The following STARD13 variants were observed in gnomAD, a reference collection of about 807,000 sequenced individuals.
STARD13 encodes the protein stAR-related lipid transfer protein 13.
A neutral mutation model predicts 106.4 loss-of-function variants in STARD13; 62 were observed. That is an observed-to-expected ratio of 0.58 (90% confidence interval 0.48 to 0.72). The LOEUF (loss-of-function observed/expected upper bound fraction) is 0.72. STARD13 is among the 30% of genes least tolerant of loss of function. The pLI is 0.00. For synonymous variants in STARD13, 565 were observed against 553.0 expected (o/e 1.02, Z -0.31); for missense variants, 1,387 against 1,424.0 (o/e 0.97, Z 0.42).
chr13:33,523,923 A>G, the STARD13 span, among the ~76,000 whole-genome samples: 1 of 152,124 alleles, frequency 6.6e-6, no homozygotes, highest in African/African-American at 2.4e-5. Context: ...TTGCAGCATA[A>G]GTTTTTACTA....
the STARD13 span, among the ~76,000 whole-genome samples, chr13:33,388,954 CTT>C: frequency 1.6e-4 from 21 of 128,334 alleles, no homozygotes; most frequent in Admixed American, 3.1e-4. Flanking sequence ...AGGGGTCCTT[CTT>C]TTTTTTTTTT....
At chr13:33,252,500 A>G (rs1890137697) in intron 1 of STARD13, among the ~76,000 whole-genome samples, 1 of 152,068 alleles carries the variant, frequency 6.6e-6, no homozygotes, top group Admixed American at 6.6e-5. Context: ...GGACTAAACA[A>G]CCAGTTTCAG....
At chr13:33,579,076 T>C in the STARD13 span, among the ~76,000 whole-genome samples, 1 of 152,126 alleles carries the variant, frequency 6.6e-6, no homozygotes, top group Non-Finnish European at 1.5e-5. Context: ...GTACAACCTC[T>C]CTGGAAAATA....
At chr13:33,648,668 T>C in the STARD13 span, among the ~76,000 whole-genome samples, 1 of 152,076 alleles carries the variant, frequency 6.6e-6, no homozygotes, top group Non-Finnish European at 1.5e-5. Context: ...TGGTTCAATC[T>C]TGTCAATTTA....
the STARD13 span, among the ~76,000 whole-genome samples, chr13:33,566,778 G>A: frequency 6.1e-5 from 9 of 147,910 alleles, no homozygotes; most frequent in East Asian, 1.8e-3. Context: ...CTGCTCTCAG[G>A]TGCAGGCTAT....
At chr13:33,520,599 G>A in the STARD13 span, among the ~76,000 whole-genome samples, 1 of 152,086 alleles carries the variant, frequency 6.6e-6, no homozygotes, top group Non-Finnish European at 1.5e-5. Context: ...CCCTCGGGTA[G>A]TGCTACCTCA....
At chr13:33,410,748 G>A in the STARD13 span, among the ~76,000 whole-genome samples, 5 of 152,214 alleles carry the variant, frequency 3.3e-5, no homozygotes, top group South Asian at 8.3e-4. Context: ...ACTGCCCTGC[G>A]TTCATCTTTT....
chr13:33,347,651 C>A (rs1383667050), downstream of STARD13, among the ~76,000 whole-genome samples: 1 of 152,086 alleles, frequency 6.6e-6, no homozygotes, highest in East Asian at 1.9e-4. Flanking sequence ...AGGTTTGTAA[C>A]CTAGGAGAAA....
intron 1 of STARD13, among the ~76,000 whole-genome samples, chr13:33,320,014 A>G (rs879513301): frequency 1.3e-5 from 2 of 152,190 alleles, no homozygotes; most frequent in Non-Finnish European, 2.9e-5. Context: ...GTAAACTTGG[A>G]TAATAGGATT....
intron 11 of STARD13, 93 bp from the exon 12 acceptor site, chr13:33,110,183 G>T: frequency 1.8e-6 from 2 of 1,113,974 alleles, no homozygotes; most frequent in Non-Finnish European, 2.6e-6. Context: ...ATCATACCTT[G>T]CTGGGTGTTC....
Position 33,129,121 on chromosome 13 carries a change from CCAACCAATGTAT to C in STARD13, c.1544_1555del (p.Asp515_Val518del). On this transcript the variant is annotated inframe_deletion, in exon 5 of 14. Transcript: ENST00000336934. ...TGGAAAGGTGGATAAGCCAGGTTCC[CCAACCAATGTAT>C]CATGAGTTTGCAGTTCAGGCAAGAC... The C allele has an allele frequency of 6.2e-7, 1 of 1,614,176 alleles. No individual in the cohort carries two copies. The highest frequency in any genetic ancestry group is 8.5e-7 in the Non-Finnish European group (1 of 1,180,030).
At chr13:33,296,785 AT>A (rs1233470539) in intron 1 of STARD13, among the ~76,000 whole-genome samples, 1 of 152,022 alleles carries the variant, frequency 6.6e-6, no homozygotes, top group Non-Finnish European at 1.5e-5. Flanking sequence ...CGCCCAGCTA[AT>A]TTTTGTATTT....
chr13:33,205,713 A>T, intron 1 of STARD13: 1 of 315,670 alleles, frequency 3.2e-6, no homozygotes. Flanking sequence ...CAAGTCCACT[A>T]CAAAGAAAAC....
intron 3 of STARD13, among the ~76,000 whole-genome samples, chr13:33,162,969 A>G (rs547719601): frequency 1.3e-5 from 2 of 152,220 alleles, no homozygotes; most frequent in Admixed American, 1.3e-4. Context: ...TGATAAAGAC[A>G]TACCCAAGAC....
chr13:33,405,139 A>G, the STARD13 span, among the ~76,000 whole-genome samples: 75 of 152,004 alleles, frequency 4.9e-4, 1 homozygote, highest in Non-Finnish European at 1.6e-4. Flanking sequence ...TCCCCACCCC[A>G]CTGCACACAA....
At chr13:33,261,478 G>C (rs1890638487) in intron 1 of STARD13, among the ~76,000 whole-genome samples, 1 of 152,164 alleles carries the variant, frequency 6.6e-6, no homozygotes. Context: ...ATCATTTATA[G>C]AAACTATTTC....
intron 2 of STARD13, among the ~76,000 whole-genome samples, chr13:33,167,286 GAAGGAAAAC>G (rs1263588499): frequency 1.3e-5 from 2 of 152,188 alleles, no homozygotes; most frequent in Non-Finnish European, 2.9e-5. Flanking sequence ...CAGAATGCTG[GAAGGAAAAC>G]GTCGAGTTGG....
intron 1 of STARD13, among the ~76,000 whole-genome samples, chr13:33,246,961 C>A (rs1889850848): frequency 6.6e-6 from 1 of 152,112 alleles, no homozygotes; most frequent in African/African-American, 2.4e-5. Context: ...CTTTGGGAGG[C>A]CGAGGCAGGT....
the STARD13 span, among the ~76,000 whole-genome samples, chr13:33,448,443 T>G: frequency 1.3e-5 from 2 of 152,206 alleles, no homozygotes; most frequent in Non-Finnish European, 2.9e-5. Flanking sequence ...AAATATTCTT[T>G]TTTTATGGCT....
Sources: gnomAD v4.1 joint callset for allele counts (sites outside exome capture counted in the v4.1 genomes callset) on GRCh38, gnomAD v4.1.1 for gene constraint, MANE v1.5 for transcripts, NCBI Gene and HGNC (gene_info 2026-07-23, HGNC 2026-07-21) for gene names.